Variants in SH3GL2 observed in about 807,000 individuals in gnomAD.
SH3GL2 encodes SH3 domain containing GRB2 like 2, endophilin A1, also known as endophilin-A1.
In SH3GL2, 24 loss-of-function variants were observed where a neutral mutation model predicts 46.0. That is an observed-to-expected ratio of 0.52 (90% confidence interval 0.38 to 0.73). The LOEUF is 0.73. Among genes scored for constraint, SH3GL2 ranks in the 30% least tolerant of loss-of-function variants. The pLI is 0.00. For missense variants in SH3GL2, 413 were observed against 424.2 expected (o/e 0.97, Z 0.23); for synonymous variants, 196 against 147.1 (o/e 1.33, Z -2.40).
At chr9:17,715,194 CTT>C (rs554919094) in intron 1 of SH3GL2, among the ~76,000 whole-genome samples, 5 of 128,884 alleles carry the variant, frequency 3.9e-5, no homozygotes, top group Non-Finnish European at 1.7e-5. Context: ...TCTTTCTTTT[CTT>C]TTTTTTTTTT....
At chr9:17,725,445 A>G (rs1176404775) in intron 1 of SH3GL2, among the ~76,000 whole-genome samples, 13 of 152,092 alleles carry the variant, frequency 8.5e-5, no homozygotes, top group Admixed American at 8.5e-4. Flanking sequence ...TGCCACCAAA[A>G]TCTCCATTGT....
chr9:17,641,110 C>A (rs1015142371), intron 1 of SH3GL2, among the ~76,000 whole-genome samples: 1 of 152,106 alleles, frequency 6.6e-6, no homozygotes, highest in African/African-American at 2.4e-5. Context: ...TATAAAGGAG[C>A]CTTTTTTGGG....
At chr9:17,731,035 C>T (rs960124337) in intron 1 of SH3GL2, among the ~76,000 whole-genome samples, 2 of 152,086 alleles carry the variant, frequency 1.3e-5, no homozygotes, top group East Asian at 3.9e-4. Context: ...TTATGCATGC[C>T]AGCCTTGCGA....
chr9:17,783,549 A>T (rs1327313981), intron 3 of SH3GL2, among the ~76,000 whole-genome samples: 1 of 151,976 alleles, frequency 6.6e-6, no homozygotes, highest in Non-Finnish European at 1.5e-5. Flanking sequence ...CTCGTCAGGG[A>T]TGCTACAGAT....
At chr9:17,612,168 T>C (rs1417920601) in intron 1 of SH3GL2, among the ~76,000 whole-genome samples, 2 of 152,046 alleles carry the variant, frequency 1.3e-5, no homozygotes, top group Non-Finnish European at 2.9e-5. Flanking sequence ...GTCTGTCCTC[T>C]CTCTCTAGTT....
intron 1 of SH3GL2, among the ~76,000 whole-genome samples, chr9:17,585,519 CAT>C: frequency 6.6e-6 from 1 of 152,278 alleles, no homozygotes; most frequent in South Asian, 2.1e-4. Context: ...ATTATACTCA[CAT>C]GTCTTAGAAT....
At chr9:17,643,069 A>C (rs1304934397) in intron 1 of SH3GL2, among the ~76,000 whole-genome samples, 1 of 152,166 alleles carries the variant, frequency 6.6e-6, no homozygotes, top group Non-Finnish European at 1.5e-5. Flanking sequence ...TTCCTTGAGC[A>C]GTGGTTTGTA....
chr9:17,687,312 C>T (rs1459638828), intron 1 of SH3GL2, among the ~76,000 whole-genome samples: 1 of 152,080 alleles, frequency 6.6e-6, no homozygotes, highest in Admixed American at 6.6e-5. Context: ...TTGCAGTTCA[C>T]TGTGACTTCA....
intron 1 of SH3GL2, among the ~76,000 whole-genome samples, chr9:17,682,548 G>A (rs1343787614): frequency 6.6e-6 from 1 of 152,052 alleles, no homozygotes; most frequent in Non-Finnish European, 1.5e-5. Flanking sequence ...ATGCACCAGG[G>A]CCTGTTGTGG....
intron 1 of SH3GL2, among the ~76,000 whole-genome samples, chr9:17,739,199 C>G (rs1039570212): frequency 3.3e-5 from 5 of 152,090 alleles, no homozygotes; most frequent in South Asian, 4.1e-4. Flanking sequence ...ATGAGAAATC[C>G]TGATTGACTT....
At chr9:17,770,953 C>A (rs534589767) in intron 3 of SH3GL2, among the ~76,000 whole-genome samples, 1 of 152,298 alleles carries the variant, frequency 6.6e-6, no homozygotes, top group African/African-American at 2.4e-5. Flanking sequence ...TTGTTTGCAG[C>A]CTGGCGAGAC....
At chr9:17,751,970 T>C (rs1167873990) in intron 2 of SH3GL2, among the ~76,000 whole-genome samples, 4 of 152,182 alleles carry the variant, frequency 2.6e-5, no homozygotes, top group Non-Finnish European at 5.9e-5. Context: ...GTTACATGTT[T>C]GCAATATATA....
intron 1 of SH3GL2, among the ~76,000 whole-genome samples, chr9:17,650,941 C>T (rs530495687): frequency 5.9e-5 from 9 of 152,186 alleles, no homozygotes; most frequent in Admixed American, 1.3e-4. Context: ...TGAATTCTGG[C>T]ACCATTTCAT....
At chr9:17,743,529 CCTT>C (rs915703109) in intron 1 of SH3GL2, among the ~76,000 whole-genome samples, 4 of 151,654 alleles carry the variant, frequency 2.6e-5, no homozygotes, top group Non-Finnish European at 4.4e-5. Context: ...ACTCCTCCCT[CCTT>C]CTTCCTTTCC....
chr9:17,731,353 T>C (rs1822173811), intron 1 of SH3GL2, among the ~76,000 whole-genome samples: 1 of 150,496 alleles, frequency 6.6e-6, no homozygotes, highest in Non-Finnish European at 1.5e-5. Context: ...GGTAGAACCC[T>C]GCTGATGGAA....
chr9:17,778,195 T>G (rs1823698271), intron 3 of SH3GL2, among the ~76,000 whole-genome samples: 1 of 152,176 alleles, frequency 6.6e-6, no homozygotes, highest in African/African-American at 2.4e-5. Context: ...GCAAGGTAGC[T>G]TTGATTTTCT....
intron 1 of SH3GL2, among the ~76,000 whole-genome samples, chr9:17,683,607 G>A (rs1347589768): frequency 1.3e-5 from 2 of 152,002 alleles, no homozygotes; most frequent in Non-Finnish European, 2.9e-5. Context: ...CCAGGCAAAC[G>A]GATCCTGCCT....
chr9:17,638,955 A>C (rs1267054223), intron 1 of SH3GL2, among the ~76,000 whole-genome samples: 1 of 152,236 alleles, frequency 6.6e-6, no homozygotes, highest in East Asian at 1.9e-4. Flanking sequence ...GTAAAAATGG[A>C]GGCTAATCTA....
At chr9:17,669,931 G>A (rs902928702) in intron 1 of SH3GL2, among the ~76,000 whole-genome samples, 2 of 152,040 alleles carry the variant, frequency 1.3e-5, no homozygotes, top group Non-Finnish European at 2.9e-5. Flanking sequence ...GCAGAAAGGG[G>A]TCCCAGAAAA....
Sources: allele counts gnomAD v4.1 joint callset (sites outside exome capture counted in the v4.1 genomes callset), GRCh38; gene constraint gnomAD v4.1.1; transcripts MANE v1.5; gene names NCBI Gene and HGNC (gene_info 2026-07-23, HGNC 2026-07-21).